Variants in GRIN2B observed in about 807,000 individuals in gnomAD.
GRIN2B encodes the protein glutamate receptor ionotropic, NMDA 2B.
GRIN2B carries 5 observed loss-of-function variants against 114.5 expected under a neutral mutation model. The ratio of observed to expected loss-of-function variants is 0.04; its 90% CI spans 0.02 to 0.09. The LOEUF (loss-of-function observed/expected upper bound fraction) is 0.09. Ranked by LOEUF, GRIN2B falls within the 10% of genes least tolerant of loss-of-function variation. The pLI is 1.00. For missense variants in GRIN2B, 1,108 were observed against 1,943.5 expected (o/e 0.57, Z 8.08); for synonymous variants, 787 against 745.1 (o/e 1.06, Z -0.92).
chr12:13,707,329 G>C (rs1244538358), intron 4 of GRIN2B, among the ~76,000 whole-genome samples: 1 of 152,052 alleles, frequency 6.6e-6, no homozygotes, highest in Non-Finnish European at 1.5e-5. Flanking sequence ...CTCTTTAACG[G>C]ATATTTTATG....
At chr12:13,602,134 T>G (rs541892190) in intron 10 of GRIN2B, among the ~76,000 whole-genome samples, 1 of 152,126 alleles carries the variant, frequency 6.6e-6, no homozygotes, top group Non-Finnish European at 1.5e-5. Flanking sequence ...AAAAGGCAAG[T>G]GTCCTCCCCC....
chr12:13,842,917 C>CTTTTTT (rs201344138), intron 3 of GRIN2B, among the ~76,000 whole-genome samples: 1 of 103,220 alleles, frequency 9.7e-6, no homozygotes, highest in Non-Finnish European at 2.0e-5. Flanking sequence ...ATTGGTTTTT[C>CTTTTTT]TTTTTTTTTT....
intron 4 of GRIN2B, among the ~76,000 whole-genome samples, chr12:13,737,487 A>G (rs925636491): frequency 6.6e-6 from 1 of 152,202 alleles, no homozygotes; most frequent in African/African-American, 2.4e-5. Context: ...CTGGGATTAC[A>G]GGCTTGAACC....
Position 13,711,021 on chromosome 12 carries a change from A to G in GRIN2B, c.1011-35162T>C, listed in dbSNP as rs192190218. Among the ~76,000 whole-genome samples, 456 of 152,310 alleles carry G rather than the reference A, an allele frequency of 3.0e-3. 6 individuals carry two copies. The highest frequency in any genetic ancestry group is 0.01 in the African/African-American group (431 of 41,584). ...ACCAAAACAGCATGGTACTGGTACC[A>G]AAACAGAGATATAGACCAATGGAAC... is the stretch of plus-strand genomic sequence containing the variant. On this transcript the variant is annotated intron_variant, in intron 4 of 13. Transcript: ENST00000609686.
At chr12:13,643,335 T>C (rs1036436957) in intron 5 of GRIN2B, among the ~76,000 whole-genome samples, 2 of 152,190 alleles carry the variant, frequency 1.3e-5, no homozygotes, top group Admixed American at 6.6e-5. Context: ...GTTATATTTA[T>C]ACTATACTGT....
chr12:13,723,984 G>T (rs1260665424), intron 4 of GRIN2B, among the ~76,000 whole-genome samples: 1 of 152,092 alleles, frequency 6.6e-6, no homozygotes, highest in Non-Finnish European at 1.5e-5. Flanking sequence ...ATTCCAATAG[G>T]AAAAGAATGG....
chr12:13,581,865 G>C (rs1195351096), intron 10 of GRIN2B, among the ~76,000 whole-genome samples: 2 of 148,874 alleles, frequency 1.3e-5, no homozygotes, highest in Non-Finnish European at 3.0e-5. Flanking sequence ...AGCCAAAATC[G>C]TGTCACTGCA....
At chr12:13,669,017 G>A (rs1423124072) in intron 5 of GRIN2B, among the ~76,000 whole-genome samples, 2 of 142,846 alleles carry the variant, frequency 1.4e-5, no homozygotes, top group African/African-American at 5.2e-5. Flanking sequence ...GGGGAGGGGA[G>A]GGAGGGGAGG....
intron 10 of GRIN2B, among the ~76,000 whole-genome samples, chr12:13,591,828 C>T (rs1294381810): frequency 6.6e-6 from 1 of 152,186 alleles, no homozygotes; most frequent in Non-Finnish European, 1.5e-5. Flanking sequence ...CCTATGAACA[C>T]ATTGTCCTCA....
At chr12:13,644,874 GA>G (rs1338499887) in intron 5 of GRIN2B, among the ~76,000 whole-genome samples, 4 of 152,124 alleles carry the variant, frequency 2.6e-5, no homozygotes, top group Admixed American at 2.6e-4. Context: ...AAGAATTGAA[GA>G]GAATTAGGGC....
At chr12:13,948,273 A>C (rs1867402343) in intron 2 of GRIN2B, among the ~76,000 whole-genome samples, 1 of 152,122 alleles carries the variant, frequency 6.6e-6, no homozygotes. Context: ...TTCTTTTCAT[A>C]AGGATCAATC....
intron 3 of GRIN2B, among the ~76,000 whole-genome samples, chr12:13,823,815 A>C (rs960895385): frequency 6.6e-6 from 1 of 152,118 alleles, no homozygotes; most frequent in Non-Finnish European, 1.5e-5. Context: ...TATCAGGTTG[A>C]GGAGGATGTT....
rs771132763 is a variant in GRIN2B at position 13,537,515 on chromosome 12, C to T, written c.*25268G>A. 2 of 152,154 alleles carry T rather than the reference C, an allele frequency of 1.3e-5. No homozygotes were observed. Among genetic ancestry groups the T allele is most frequent in the Non-Finnish European group, 2.9e-5 (2 of 68,054 alleles). 9.4% of individuals were successfully genotyped at this position (152,154 alleles called of 1,614,324 possible). On this transcript the variant is annotated 3_prime_UTR_variant, in exon 14 of 14. Transcript: ENST00000609686. ...CTCCAAATGGAAGAGGAAAGAGGTC[C>T]TGGAGTTCCAAAGGGTGACTGTCTG... is the stretch of plus-strand genomic sequence containing the variant.
rs188899241 is a variant in GRIN2B at position 13,825,168 on chromosome 12, T to A, written c.411+40630A>T. ...AAATATATCCTGAAGGCCTTTGTGA[T>A]TTCTTTTTTGACTCATGCATTACTT... is the stretch of plus-strand genomic sequence containing the variant. On this transcript the variant is annotated intron_variant, in intron 3 of 13. Transcript: ENST00000609686. Among the ~76,000 whole-genome samples, 677 of 152,146 alleles carry A rather than the reference T, an allele frequency of 4.4e-3. 3 individuals carry two copies. Among genetic ancestry groups the A allele is most frequent in the South Asian group, 0.012 (57 of 4,828 alleles).
At chr12:13,785,820 C>A (rs1167595032) in intron 3 of GRIN2B, among the ~76,000 whole-genome samples, 2 of 152,132 alleles carry the variant, frequency 1.3e-5, no homozygotes, top group African/African-American at 2.4e-5. Context: ...ATATGGGCAA[C>A]TGAGACTCAA....
chr12:13,718,376 G>T (rs10845831), intron 4 of GRIN2B, among the ~76,000 whole-genome samples: 14,226 of 151,980 alleles, frequency 0.094, 761 homozygotes, highest in East Asian at 0.18. Context: ...GAGAGATTCA[G>T]AGCTGTGAAA....
chr12:13,736,108 C>G (rs1479713206), intron 4 of GRIN2B, among the ~76,000 whole-genome samples: 3 of 124,908 alleles, frequency 2.4e-5, no homozygotes, highest in Non-Finnish European at 4.8e-5. Context: ...CACTGAGAAA[C>G]ATGAACTATC....
At chr12:13,587,213 G>T (rs1224264649) in intron 10 of GRIN2B, among the ~76,000 whole-genome samples, 1 of 152,064 alleles carries the variant, frequency 6.6e-6, no homozygotes, top group African/African-American at 2.4e-5. Flanking sequence ...ATACTCATCT[G>T]GTGGCCTGAA....
intron 5 of GRIN2B, among the ~76,000 whole-genome samples, chr12:13,636,632 C>T (rs536124314): frequency 2.0e-4 from 31 of 152,018 alleles, no homozygotes; most frequent in Non-Finnish European, 3.7e-4. Context: ...AGAGAGAAAT[C>T]GAAGATAACT....
Sources: gnomAD v4.1 joint callset for allele counts (sites outside exome capture counted in the v4.1 genomes callset) on GRCh38, gnomAD v4.1.1 for gene constraint, MANE v1.5 for transcripts, NCBI Gene and HGNC (gene_info 2026-07-23, HGNC 2026-07-21) for gene names.